CLOCK: variants seen among roughly 807,000 people sequenced by gnomAD.
CLOCK encodes the protein clock circadian regulator.
In CLOCK, 43 loss-of-function variants were observed where a neutral mutation model predicts 118.4. The observed-to-expected ratio is 0.36, with a 90% CI of 0.28 to 0.47. The LOEUF (loss-of-function observed/expected upper bound fraction) is 0.47, where lower values mean the gene tolerates loss of function less well. CLOCK is among the 20% of genes least tolerant of loss of function. The pLI, the probability that CLOCK is intolerant of heterozygous loss-of-function variation, is 1.00. For synonymous variants in CLOCK, 326 were observed against 339.2 expected, an observed-to-expected ratio of 0.96 and a Z score of 0.43; for missense variants, 846 against 999.9, an observed-to-expected ratio of 0.85 and a Z score of 2.08.
intron 2 of CLOCK, among the ~76,000 whole-genome samples, chr4:55,498,340 C>A (rs1728217599): frequency 6.6e-6 from 1 of 152,028 alleles, no homozygotes; most frequent in Non-Finnish European, 1.5e-5. Context: ...GTAGGCCCGG[C>A]AAATTCAAAA....
chr4:55,527,575 A>G (rs1028568158), intron 1 of CLOCK, among the ~76,000 whole-genome samples: 2 of 152,202 alleles, frequency 1.3e-5, no homozygotes, highest in African/African-American at 4.8e-5. Flanking sequence ...AATAAAATAA[A>G]AATTTTAAAA....
intron 8 of CLOCK, among the ~76,000 whole-genome samples, chr4:55,467,095 T>G (rs1050946639): frequency 3.9e-5 from 6 of 152,216 alleles, no homozygotes; most frequent in African/African-American, 1.4e-4. Context: ...AAAATGGTTC[T>G]AAAATTAAAA....
At position 55,459,218 on chromosome 4, in the gene CLOCK, T is replaced by G. The variant is rs1244861736; in HGVS notation, c.603A>C (p.Thr201=). 6.2e-7 allele frequency: 1 copy of G among 1,612,736 alleles called. No individual in the cohort carries two copies. Among genetic ancestry groups the G allele is most frequent in the Non-Finnish European group, 8.5e-7 (1 of 1,178,814 alleles). ...AGGTAGATGGCTCCTTTGGGTCTAT[T>G]GTTCCTCGCAGCATGTGACAACAGA... ...LEFCCHMLRG[T]IDPKEPSTYE... is the part of the protein sequence containing the mutation. The change falls in exon 10 of 23, where the codon ACA becomes ACC. Residue 201 remains threonine (T), a synonymous_variant. Coordinates refer to ENST00000513440, the MANE Select transcript of CLOCK (RefSeq NM_004898.4).
chr4:55,507,871 A>C (rs996477579), intron 2 of CLOCK, among the ~76,000 whole-genome samples: 18 of 152,192 alleles, frequency 1.2e-4, no homozygotes, highest in Non-Finnish European at 5.9e-5. Flanking sequence ...TGGTGAGCTA[A>C]AAAGGCACAG....
chr4:55,496,114 G>A (rs1232642417), intron 2 of CLOCK, among the ~76,000 whole-genome samples: 7 of 152,000 alleles, frequency 4.6e-5, no homozygotes, highest in Admixed American at 1.3e-4. Flanking sequence ...GCTTGAACCC[G>A]GGAGGTGGAG....
chr4:55,480,555 C>T (rs1210213991), intron 4 of CLOCK, among the ~76,000 whole-genome samples: 1 of 152,094 alleles, frequency 6.6e-6, no homozygotes, highest in Non-Finnish European at 1.5e-5. Context: ...TGTGAGCTGC[C>T]GTACCCAGCC....
At chr4:55,493,387 G>A (rs911140234) in intron 2 of CLOCK, among the ~76,000 whole-genome samples, 1 of 152,038 alleles carries the variant, frequency 6.6e-6, no homozygotes, top group African/African-American at 2.4e-5. Context: ...CAGGTATTTC[G>A]GGAACTGACG....
intron 15 of CLOCK, among the ~76,000 whole-genome samples, 156 bp from the exon 16 acceptor site, chr4:55,450,388 G>C (rs578259463): frequency 5.9e-4 from 90 of 152,304 alleles, no homozygotes; most frequent in African/African-American, 2.1e-3. Context: ...GAAAATTTAT[G>C]TGTTATAGCC....
rs201442525 is a variant in CLOCK, at chr4:55,437,276, CAT to C, written c.2361+1004_2361+1005del. 7.9e-3 allele frequency among the ~76,000 whole-genome samples: 1,205 copies of C among 152,282 alleles called. 12 individuals are homozygous for C. The highest frequency in any genetic ancestry group is 0.014 in the Middle Eastern group (4 of 294). On this transcript the variant is annotated intron_variant, in intron 22 of 22. Coordinates refer to ENST00000513440, the MANE Select transcript of CLOCK (RefSeq NM_004898.4). ...AATATAGAGTACAATAATCACATCA[CAT>C]GTTATATAACCCAGAAATTGATGAT...
chr4:55,495,671 C>T (rs531754922), intron 2 of CLOCK, among the ~76,000 whole-genome samples: 3 of 152,054 alleles, frequency 2.0e-5, no homozygotes, highest in Non-Finnish European at 4.4e-5. Flanking sequence ...ACAAAATGAT[C>T]CCCCAAAACT....
At chr4:55,518,740 G>A (rs1729672762) in intron 1 of CLOCK, among the ~76,000 whole-genome samples, 1 of 152,112 alleles carries the variant, frequency 6.6e-6, no homozygotes, top group Admixed American at 6.5e-5. Context: ...GCATCTACTA[G>A]CACCTTGATT....
chr4:55,450,153 G>A lies in CLOCK; in HGVS notation c.1286C>T (p.Thr429Ile). The A allele has an allele frequency of 6.2e-7, 1 of 1,614,114 alleles. No individual in the cohort carries two copies. Among genetic ancestry groups the A allele is most frequent in the Middle Eastern group, 1.6e-4 (1 of 6,062 alleles). Residue 429 changes from threonine to isoleucine, a missense_variant, in exon 16 of 23, where the codon ACC (threonine) becomes ATC (isoleucine). Physicochemically the swap from Thr to Ile is moderately conservative, Grantham distance 89. Transcript: ENST00000513440. ...TGAACTCCGAGAAGAGGCAGAAGGG[G>A]TTGGGCTGTGATCAAACCTTTCCAA... is the stretch of plus-strand genomic sequence containing the variant. ...EALERFDHSPTPSASSRSSRK... is the reference protein window; with the variant it reads ...EALERFDHSPIPSASSRSSRK...
Position 55,442,420 on chromosome 4 carries a change from T to C in CLOCK, c.2105+12A>G, listed in dbSNP as rs948429604. On this transcript the variant is annotated intron_variant, in intron 21 of 22. Coordinates refer to ENST00000513440, the MANE Select transcript of CLOCK (RefSeq NM_004898.4). ...ACAATTTTAAAAATAACAAATGAAA[T>C]ATGACAACTACCTTATCTGCCTGTC... is the stretch of plus-strand genomic sequence containing the variant. 6.2e-7 allele frequency: 1 copy of C among 1,604,320 alleles called. No individual in the cohort carries two copies. Among genetic ancestry groups the C allele is most frequent in the South Asian group, 1.1e-5 (1 of 90,650 alleles).
At chr4:55,483,296 GAGGTATAATGA>G (rs1727055756) in intron 3 of CLOCK, among the ~76,000 whole-genome samples, 1 of 152,148 alleles carries the variant, frequency 6.6e-6, no homozygotes, top group South Asian at 2.1e-4. Context: ...ATTATAATAA[GAGGTATAATGA>G]AGGTATATAC....
Position 55,458,247 on chromosome 4 carries a change from A to G in CLOCK, c.792+645T>C, listed in dbSNP as rs149467201. Among the ~76,000 whole-genome samples the G allele has an allele frequency of 4.7e-3, 722 of 152,232 alleles. 7 individuals carry two copies. The highest frequency in any genetic ancestry group is 7.2e-3 in the Non-Finnish European group (487 of 68,016). On this transcript the variant is annotated intron_variant, in intron 11 of 22. Transcript: ENST00000513440. ...GGCTAATTTTTTGTATTTTTTGTAG[A>G]GATGGGGTCTTGTCACGTTGCCCAG...
intron 2 of CLOCK, among the ~76,000 whole-genome samples, chr4:55,499,695 A>G (rs1258659119): frequency 1.3e-5 from 2 of 152,196 alleles, no homozygotes; most frequent in African/African-American, 2.4e-5. Context: ...AGCGTTCACA[A>G]TGCTGCTTAA....
chr4:55,436,840 T>A (rs1722911544), intron 22 of CLOCK, among the ~76,000 whole-genome samples: 1 of 151,640 alleles, frequency 6.6e-6, no homozygotes, highest in Non-Finnish European at 1.5e-5. Flanking sequence ...AGTGTATTTA[T>A]GAGGGGTATT....
At chr4:55,520,105 A>AC (rs375830485) in intron 1 of CLOCK, among the ~76,000 whole-genome samples, 4 of 152,234 alleles carry the variant, frequency 2.6e-5, no homozygotes, top group African/African-American at 9.6e-5. Flanking sequence ...CCTGAAGTCA[A>AC]CAGGATAAGA....
chr4:55,462,462 A>G (rs1030506332), intron 9 of CLOCK, among the ~76,000 whole-genome samples: 2 of 152,104 alleles, frequency 1.3e-5, no homozygotes, highest in African/African-American at 4.8e-5. Context: ...AATTTTTGGT[A>G]GAGATGGGGT....
Sources: allele counts gnomAD v4.1 joint callset (sites outside exome capture counted in the v4.1 genomes callset), GRCh38; gene constraint gnomAD v4.1.1; transcripts MANE v1.5; gene names NCBI Gene and HGNC (gene_info 2026-07-23, HGNC 2026-07-21).